The following PSD3 variants were observed in gnomAD, a reference collection of about 807,000 sequenced individuals.
PSD3 encodes the protein pleckstrin and Sec7 domain containing 3.
PSD3 carries 49 observed loss-of-function variants against 105.5 expected under a neutral mutation model. That is an observed-to-expected ratio of 0.46 (90% confidence interval 0.37 to 0.59). The LOEUF (loss-of-function observed/expected upper bound fraction) is 0.59. Among genes scored for constraint, PSD3 ranks in the 20% least tolerant of loss-of-function variants. The pLI, the probability that PSD3 is intolerant of heterozygous loss-of-function variation, is 0.00. For missense variants in PSD3, 1,561 were observed against 1,263.8 expected, an observed-to-expected ratio of 1.24 and a Z score of -3.57; for synonymous variants, 557 against 457.8, an observed-to-expected ratio of 1.22 and a Z score of -2.77.
chr8:18,751,116 C>T (rs767951310), intron 9 of PSD3, among the ~76,000 whole-genome samples: 2 of 152,106 alleles, frequency 1.3e-5, no homozygotes, highest in Non-Finnish European at 2.9e-5. Context: ...GGGGAGGCTC[C>T]GGCCGCACAG....
At chr8:18,738,469 G>A (rs1326248606) in intron 9 of PSD3, among the ~76,000 whole-genome samples, 1 of 152,184 alleles carries the variant, frequency 6.6e-6, no homozygotes, top group African/African-American at 2.4e-5. Context: ...TGTTTATACT[G>A]TGAATAGTTG....
At chr8:18,645,943 T>A (rs1172366956) in intron 10 of PSD3, among the ~76,000 whole-genome samples, 1 of 152,158 alleles carries the variant, frequency 6.6e-6, no homozygotes, top group Non-Finnish European at 1.5e-5. Flanking sequence ...TACCTCTCTC[T>A]GCACACACTC....
At chr8:18,668,740 TTA>T (rs1339708232) in intron 9 of PSD3, among the ~76,000 whole-genome samples, 4 of 152,350 alleles carry the variant, frequency 2.6e-5, no homozygotes, top group Non-Finnish European at 1.5e-5. Context: ...AAAGTCAGTA[TTA>T]TGTGTATTGT....
chr8:18,811,549 G>A lies in PSD3; in HGVS notation c.1635-6651C>T, dbSNP rs1024073678. Among the ~76,000 whole-genome samples, 7 of 152,172 alleles carry A rather than the reference G, an allele frequency of 4.6e-5. 1 individual carries two copies. Among genetic ancestry groups the A allele is most frequent in the Admixed American group, 3.3e-4 (5 of 15,278 alleles). ...GGAAAAAAATAGAGCAAAGATAGAA[G>A]AGGAACCCTAATTTGGGGATGAGGG... On this transcript the variant is annotated intron_variant, in intron 4 of 15. Coordinates refer to ENST00000327040, the MANE Select transcript of PSD3 (RefSeq NM_015310.4).
chr8:18,937,144 G>C (rs952527649), intron 1 of PSD3, among the ~76,000 whole-genome samples: 22 of 152,194 alleles, frequency 1.4e-4, no homozygotes, highest in African/African-American at 4.6e-4. Context: ...TCAAAAATCA[G>C]GAGTGTCTCT....
At chr8:19,056,495 G>T (rs1218590890) in intron 1 of PSD3, among the ~76,000 whole-genome samples, 2 of 152,228 alleles carry the variant, frequency 1.3e-5, no homozygotes, top group Non-Finnish European at 2.9e-5. Flanking sequence ...CATGAAAAAT[G>T]CATGGGCAAA....
At chr8:19,052,192 G>A (rs1361896787) in intron 1 of PSD3, among the ~76,000 whole-genome samples, 1 of 152,178 alleles carries the variant, frequency 6.6e-6, no homozygotes, top group Non-Finnish European at 1.5e-5. Context: ...ACAGAAAAGT[G>A]GCCGGGCACG....
At chr8:18,592,816 C>A (rs1303656436) in intron 12 of PSD3, among the ~76,000 whole-genome samples, 2 of 152,088 alleles carry the variant, frequency 1.3e-5, no homozygotes, top group Admixed American at 1.3e-4. Context: ...AGAAATAACA[C>A]CACCCATCTA....
At chr8:18,740,824 C>G (rs1036567131) in intron 9 of PSD3, among the ~76,000 whole-genome samples, 5 of 152,140 alleles carry the variant, frequency 3.3e-5, no homozygotes, top group African/African-American at 1.2e-4. Context: ...CCTTAAACCT[C>G]AGCTCTGTGA....
At chr8:18,829,873 T>C (rs1204437472) in intron 4 of PSD3, among the ~76,000 whole-genome samples, 1 of 152,172 alleles carries the variant, frequency 6.6e-6, no homozygotes, top group Non-Finnish European at 1.5e-5. Flanking sequence ...CAGGGCCTGA[T>C]AGTAAAAAAT....
In PSD3 at chr8:19,054,055, C is replaced by T. The variant is rs541644017; in HGVS notation, c.324+30151G>A. Among the ~76,000 whole-genome samples the T allele has an allele frequency of 2.0e-5, 3 of 152,280 alleles. No homozygotes were observed. In the East Asian group the frequency reaches 5.8e-4, roughly 29 times the overall value. On this transcript the variant is annotated intron_variant, in intron 1 of 1. Transcript: ENST00000521475. ...CCTCTGACTGTAAGTTGTACTGGTA[C>T]TTGGGCCTGATGTACAGCACTGCTA...
In PSD3 at chr8:18,883,333, T is replaced by C. The variant is rs116665904; in HGVS notation, c.131-10600A>G. Among the ~76,000 whole-genome samples, 660 of 152,286 alleles carry C rather than the reference T, an allele frequency of 4.3e-3. 11 individuals carry two copies. The highest frequency in any genetic ancestry group is 0.015 in the African/African-American group (637 of 41,554). Reference sequence around the variant, plus strand: ...ACTAAAGTAAGTTCCAAGAAAACAATCTCATTACTGCAAAGAGAAACACTT... The same window carrying C: ...ACTAAAGTAAGTTCCAAGAAAACAACCTCATTACTGCAAAGAGAAACACTT... On this transcript the variant is annotated intron_variant, in intron 2 of 15. Coordinates refer to ENST00000327040, the MANE Select transcript of PSD3 (RefSeq NM_015310.4).
chr8:18,581,172 G>T (rs1286980299), intron 12 of PSD3, among the ~76,000 whole-genome samples: 2 of 152,096 alleles, frequency 1.3e-5, no homozygotes, highest in African/African-American at 4.8e-5. Context: ...AACCATGATG[G>T]ATCATCAGAA....
chr8:18,796,337 C>G (rs1810175300), intron 8 of PSD3, among the ~76,000 whole-genome samples: 1 of 152,114 alleles, frequency 6.6e-6, no homozygotes, highest in Admixed American at 6.6e-5. Context: ...GTCAGCCTAG[C>G]CAATACCATC....
At chr8:18,752,500 TAA>T (rs1563224843) in intron 9 of PSD3, among the ~76,000 whole-genome samples, 15 of 21,004 alleles carry the variant, frequency 7.1e-4, no homozygotes, top group African/African-American at 1.4e-3. Flanking sequence ...ATAATATATA[TAA>T]TATATATAAT....
At chr8:18,612,870 CTACCCAAAAGATG>C (rs1354945536) in intron 11 of PSD3, among the ~76,000 whole-genome samples, 1 of 152,154 alleles carries the variant, frequency 6.6e-6, no homozygotes, top group Non-Finnish European at 1.5e-5. Flanking sequence ...GGAGAACTTT[CTACCCAAAAGATG>C]AGCCACAGAG....
chr8:18,671,833 G>T (rs957765387), intron 9 of PSD3, among the ~76,000 whole-genome samples: 1 of 151,962 alleles, frequency 6.6e-6, no homozygotes, highest in African/African-American at 2.4e-5. Flanking sequence ...GGGTTTCACC[G>T]TGTTAGCCAG....
At chr8:18,766,315 C>T (rs773479813) in intron 8 of PSD3, among the ~76,000 whole-genome samples, 1 of 152,184 alleles carries the variant, frequency 6.6e-6, no homozygotes, top group African/African-American at 2.4e-5. Context: ...GCCTGGGTGA[C>T]AGAGTGCAAC....
At position 18,804,711 on chromosome 8, in the gene PSD3, C is replaced by T; in HGVS notation, c.1822G>A (p.Gly608Ser). Residue 608 changes from glycine (G) to serine (S), a missense_variant, in exon 5 of 16, where the codon GGC (glycine) becomes AGC (serine). Transcript: ENST00000327040. ...CAATGGGTCAGAACGTACTTCTTGCCAAGGTGTTTTGCAACATCTGATCTT... is the reference window on the plus strand; with the variant it reads ...CAATGGGTCAGAACGTACTTCTTGCTAAGGTGTTTTGCAACATCTGATCTT... ...FKRSDVAKHL[G>S]KNNEFSKLVA... 1 of 1,613,782 alleles carries T rather than the reference C, an allele frequency of 6.2e-7. No individual in the cohort carries two copies. Among genetic ancestry groups the T allele is most frequent in the Non-Finnish European group, 8.5e-7 (1 of 1,179,854 alleles).
Sources: allele counts gnomAD v4.1 joint callset (sites outside exome capture counted in the v4.1 genomes callset), GRCh38; gene constraint gnomAD v4.1.1; transcripts MANE v1.5; gene names NCBI Gene and HGNC (gene_info 2026-07-23, HGNC 2026-07-21).